TRMT9B: variants seen among roughly 807,000 people sequenced by gnomAD.
TRMT9B encodes tRNA methyltransferase 9B (putative).
TRMT9B carries 16 observed loss-of-function variants against 11.5 expected under a neutral mutation model. The observed-to-expected ratio is 1.39, with a 90% CI of 0.94 to 2.11. The LOEUF (loss-of-function observed/expected upper bound fraction) is 2.11. Ranked by LOEUF, TRMT9B falls within the 30% of genes most tolerant of loss-of-function variation. The probability of loss-of-function intolerance (pLI) is 0.00; values close to 1 mark genes in which losing one functional copy is unlikely to be tolerated. For synonymous variants in TRMT9B, 274 were observed against 192.4 expected (o/e 1.42, Z -3.51); for missense variants, 941 against 553.8 (o/e 1.70, Z -7.02).
chr8:13,017,849 C>T (rs1024227780), intron 4 of TRMT9B, among the ~76,000 whole-genome samples: 2 of 151,388 alleles, frequency 1.3e-5, no homozygotes, highest in African/African-American at 4.9e-5. Flanking sequence ...GTCTTGAACC[C>T]CTGAGCTCAA....
intron 2 of TRMT9B, among the ~76,000 whole-genome samples, chr8:12,995,861 C>G (rs938003536): frequency 1.8e-4 from 28 of 152,072 alleles, no homozygotes; most frequent in African/African-American, 5.6e-4. Flanking sequence ...GCAGATTTTT[C>G]CAATAACTGC....
At chr8:13,001,534 G>GA (rs1255283159) in intron 2 of TRMT9B, among the ~76,000 whole-genome samples, 1 of 152,126 alleles carries the variant, frequency 6.6e-6, no homozygotes, top group Non-Finnish European at 1.5e-5. Context: ...GGATGATCAG[G>GA]AAAAATGCTT....
At chr8:12,976,686 G>A (rs145777911) in intron 1 of TRMT9B, among the ~76,000 whole-genome samples, 70 of 152,278 alleles carry the variant, frequency 4.6e-4, no homozygotes, top group African/African-American at 1.6e-3. Flanking sequence ...TAAAAGGCCC[G>A]TTCACAAAGT....
At chr8:12,953,198 G>A (rs1193279468) in intron 1 of TRMT9B, among the ~76,000 whole-genome samples, 3 of 150,722 alleles carry the variant, frequency 2.0e-5, no homozygotes, top group Non-Finnish European at 2.9e-5. Flanking sequence ...TGTAGAAAGA[G>A]CTAAAATATA....
chr8:12,957,364 C>G (rs1451496872), intron 1 of TRMT9B, among the ~76,000 whole-genome samples: 1 of 152,018 alleles, frequency 6.6e-6, no homozygotes, highest in African/African-American at 2.4e-5. Context: ...GAAATGAGGA[C>G]TGCTCTTGGT....
chr8:12,950,354 T>G (rs564570309), intron 1 of TRMT9B, among the ~76,000 whole-genome samples: 3 of 152,282 alleles, frequency 2.0e-5, no homozygotes, highest in Non-Finnish European at 2.9e-5. Flanking sequence ...TCCTATACTT[T>G]AGGTATGCTT....
intron 4 of TRMT9B, among the ~76,000 whole-genome samples, chr8:13,020,542 G>C (rs544912214): frequency 6.6e-6 from 1 of 152,226 alleles, no homozygotes; most frequent in Admixed American, 6.5e-5. Context: ...ACATATTTCT[G>C]TACTTCTCAG....
At chr8:12,963,683 A>C (rs755213815) in intron 1 of TRMT9B, among the ~76,000 whole-genome samples, 10 of 152,176 alleles carry the variant, frequency 6.6e-5, no homozygotes, top group Non-Finnish European at 1.3e-4. Context: ...TTGGAGGTCA[A>C]TGCTATGATG....
At position 13,025,653 on chromosome 8, in the gene TRMT9B, T is replaced by C. The variant is rs1421493297; in HGVS notation, c.*3609T>C. 1.2e-5 allele frequency: 2 copies of C among 167,118 alleles called. No individual in the cohort carries two copies. Among genetic ancestry groups the C allele is most frequent in the Admixed American group, 1.3e-4 (2 of 15,296 alleles). The allele number at this position is 167,118 out of a possible 1,614,324, so 10.4% of individuals were successfully genotyped here. On this transcript the variant is annotated 3_prime_UTR_variant, in exon 5 of 5. Transcript: ENST00000524591. The stretch of plus-strand genomic sequence containing the variant: ...AATCAAAATAATGTTATAGTGAGAA[T>C]CATTCAAGCACCTATTTAAATTTTT...
intron 3 of TRMT9B, chr8:13,011,913 AG>A: frequency 1.0e-6 from 1 of 985,286 alleles, no homozygotes; most frequent in Non-Finnish European, 1.2e-6. Flanking sequence ...TATAAATAAT[AG>A]AAAAGTTGTT....
Position 13,006,198 on chromosome 8 carries a change from C to A in TRMT9B, c.-1-4C>A. 1.2e-6 allele frequency: 2 copies of A among 1,613,788 alleles called. No individual in the cohort carries two copies. Among genetic ancestry groups the A allele is most frequent in the Non-Finnish European group, 1.7e-6 (2 of 1,179,814 alleles). On this transcript the variant is annotated splice_polypyrimidine_tract_variant and splice_region_variant and intron_variant, in intron 2 of 4. Coordinates refer to ENST00000524591, the MANE Select transcript of TRMT9B (RefSeq NM_020844.3). ...ATGCCTTGGGTTGGTCCTGTTTTCT[C>A]CAGGATGGATCATGAAGCCGCCCAG...
At chr8:13,002,404 A>C (rs771047305) in intron 2 of TRMT9B, among the ~76,000 whole-genome samples, 1 of 152,242 alleles carries the variant, frequency 6.6e-6, no homozygotes, top group Non-Finnish European at 1.5e-5. Context: ...TGAAAAGCAC[A>C]CAGTGTTTCT....
rs1190894540 is a variant in TRMT9B at position 13,025,926 on chromosome 8, A to C, written c.*3882A>C. 6.0e-6 allele frequency: 1 copy of C among 167,038 alleles called. No individual in the cohort carries two copies. The highest frequency in any genetic ancestry group is 2.4e-5 in the African/African-American group (1 of 41,568). The allele number at this position is 167,038 out of a possible 1,614,324, so 10.3% of individuals were successfully genotyped here. On this transcript the variant is annotated 3_prime_UTR_variant, in exon 5 of 5. Transcript: ENST00000524591. ...AAATTTGGAGTAATCCAGAGAAAAA[A>C]CCATCCAAATATAAACCAGCTAGGA... is the stretch of plus-strand genomic sequence containing the variant.
intron 1 of TRMT9B, among the ~76,000 whole-genome samples, chr8:12,954,790 G>T (rs1458193386): frequency 6.6e-6 from 1 of 152,184 alleles, no homozygotes; most frequent in Non-Finnish European, 1.5e-5. Flanking sequence ...TCTTCAAAAA[G>T]AGTTAACATC....
At chr8:12,963,967 T>G (rs907336128) in intron 1 of TRMT9B, among the ~76,000 whole-genome samples, 11 of 152,174 alleles carry the variant, frequency 7.2e-5, no homozygotes, top group Non-Finnish European at 1.3e-4. Flanking sequence ...TCCCAAATAT[T>G]TATAAATGAC....
intron 1 of TRMT9B, among the ~76,000 whole-genome samples, chr8:12,989,017 G>T (rs1019131690): frequency 3.9e-5 from 6 of 152,094 alleles, no homozygotes; most frequent in Non-Finnish European, 7.4e-5. Flanking sequence ...CCTTACATCT[G>T]CCAGAGATTC....
At position 13,022,723 on chromosome 8, in the gene TRMT9B, G is replaced by A. The variant is rs1005371580; in HGVS notation, c.*679G>A. The A allele has an allele frequency of 1.8e-5, 3 of 167,094 alleles. No homozygotes were observed. The highest frequency in any genetic ancestry group is 7.2e-5 in the African/African-American group (3 of 41,460). The allele number at this position is 167,094 out of a possible 1,614,324, so 10.4% of individuals were successfully genotyped here. On this transcript the variant is annotated 3_prime_UTR_variant, in exon 5 of 5. Transcript: ENST00000524591. ...AAGGCACTGTTAGGCTGAGCATGGTGGCTCATGCCTGTAATCCCAGCACTT... is the reference window on the plus strand; with the variant it reads ...AAGGCACTGTTAGGCTGAGCATGGTAGCTCATGCCTGTAATCCCAGCACTT...
chr8:12,988,226 C>A (rs2946486), intron 1 of TRMT9B, among the ~76,000 whole-genome samples: 6,470 of 152,270 alleles, frequency 0.042, 187 homozygotes, highest in African/African-American at 0.079. Flanking sequence ...CTCCCCCTTC[C>A]CACTCCAGGC....
chr8:12,983,226 G>GA (rs1805706418), intron 1 of TRMT9B, among the ~76,000 whole-genome samples: 1 of 152,164 alleles, frequency 6.6e-6, no homozygotes, highest in Non-Finnish European at 1.5e-5. Context: ...ATGGCATGGT[G>GA]AAAAGGTGCA....
Sources: gnomAD v4.1 joint callset for allele counts (sites outside exome capture counted in the v4.1 genomes callset) on GRCh38, gnomAD v4.1.1 for gene constraint, MANE v1.5 for transcripts, NCBI Gene and HGNC (gene_info 2026-07-23, HGNC 2026-07-21) for gene names.